Variants in RXRA observed in about 807,000 individuals in gnomAD.
RXRA encodes the protein retinoid X receptor alpha.
A neutral mutation model predicts 44.5 loss-of-function variants in RXRA; 5 were observed. The ratio of observed to expected loss-of-function variants is 0.11; its 90% CI spans 0.06 to 0.24. The LOEUF (loss-of-function observed/expected upper bound fraction) is 0.24. Ranked by LOEUF, RXRA falls within the 10% of genes least tolerant of loss-of-function variation. The probability of loss-of-function intolerance (pLI) is 1.00; values close to 1 mark genes in which losing one functional copy is unlikely to be tolerated. For missense variants in RXRA, 412 were observed against 646.5 expected (o/e 0.64, Z 3.93); for synonymous variants, 291 against 271.4 (o/e 1.07, Z -0.71).
At chr9:134,428,383 A>T (rs1306674792) in intron 6 of RXRA, among the ~76,000 whole-genome samples, 3 of 75,686 alleles carry the variant, frequency 4.0e-5, no homozygotes, top group Non-Finnish European at 7.8e-5. Flanking sequence ...GGGAACCCCC[A>T]CTATGTTGAG....
At chr9:134,412,067 C>T (rs902644489) in intron 4 of RXRA, among the ~76,000 whole-genome samples, 4 of 152,206 alleles carry the variant, frequency 2.6e-5, no homozygotes, top group Non-Finnish European at 5.9e-5. Flanking sequence ...AAGTGCAGAG[C>T]ACTCCCCTCT....
chr9:134,371,218 G>A (rs1418409185), intron 1 of RXRA, among the ~76,000 whole-genome samples: 1 of 152,148 alleles, frequency 6.6e-6, no homozygotes, highest in African/African-American at 2.4e-5. Flanking sequence ...GGGCTGAGTG[G>A]GGTCCTTGCT....
At chr9:134,341,716 C>T (rs1030398292) in intron 1 of RXRA, among the ~76,000 whole-genome samples, 43 of 152,288 alleles carry the variant, frequency 2.8e-4, no homozygotes, top group Non-Finnish European at 4.6e-4. Context: ...GGCCTCTTCC[C>T]GCCCTCCATG....
rs1830409105 is a variant in RXRA, at chr9:134,365,926, G to A, written c.29-35706G>A. Among the ~76,000 whole-genome samples the A allele has an allele frequency of 6.6e-6, 1 of 152,138 alleles. No homozygotes were observed. On this transcript the variant is annotated intron_variant, in intron 1 of 9. Transcript: ENST00000481739. The surrounding 1 kb of genome is among the most constrained non-coding windows in gnomAD (Gnocchi z 4.0). ...TCGGGGAGGTGCACACAGACGCTCA[G>A]CACAGTTGTGGCTGCCTCCAGTCAG...
chr9:134,366,000 G>A lies in RXRA; in HGVS notation c.29-35632G>A, dbSNP rs183461560. The stretch of plus-strand genomic sequence containing the variant: ...AGCCGCCTGTCTTTGCAGGAGCCGC[G>A]GGGATCATCTGGCGGCTGCCTCCAC... On this transcript the variant is annotated intron_variant, in intron 1 of 9. Transcript: ENST00000481739. The surrounding 1 kb of genome is among the most constrained non-coding windows in gnomAD (Gnocchi z 4.0). 1.1e-4 allele frequency among the ~76,000 whole-genome samples: 16 copies of A among 152,236 alleles called. No individual in the cohort carries two copies. Among genetic ancestry groups the A allele is most frequent in the Admixed American group, 5.9e-4 (9 of 15,302 alleles).
chr9:134,429,003 T>C, intron 6 of RXRA, 105 bp from the exon 7 acceptor site: 3 of 1,389,724 alleles, frequency 2.2e-6, no homozygotes, highest in Non-Finnish European at 3.0e-6. Flanking sequence ...CCTGTCAGGA[T>C]GGGTCGGTGA....
chr9:134,438,697 C>T lies in RXRA; in HGVS notation c.*2083C>T, dbSNP rs1005680563. On this transcript the variant is annotated 3_prime_UTR_variant, in exon 10 of 10. Coordinates refer to ENST00000481739, the MANE Select transcript of RXRA (RefSeq NM_002957.6). ...CGGTGGGAGTGCAAAAGACCCAACG[C>T]CAACACCTGGTGCCTTCTGCAGCCA... The T allele has an allele frequency of 6.5e-6, 1 of 153,170 alleles. No individual in the cohort carries two copies. Among genetic ancestry groups the T allele is most frequent in the African/African-American group, 2.4e-5 (1 of 41,480 alleles). The allele number at this position is 153,170 out of a possible 1,614,324, so 9.5% of individuals were successfully genotyped here.
At chr9:134,329,889 G>T (rs903251229) in intron 1 of RXRA, among the ~76,000 whole-genome samples, 1 of 152,194 alleles carries the variant, frequency 6.6e-6, no homozygotes, top group African/African-American at 2.4e-5. Flanking sequence ...GGAACAGGGG[G>T]TACTCAGGGG....
At chr9:134,386,084 G>A (rs1830715704) in intron 1 of RXRA, among the ~76,000 whole-genome samples, 3 of 152,234 alleles carry the variant, frequency 2.0e-5, no homozygotes, top group Admixed American at 1.3e-4. Context: ...GGGGGACCGG[G>A]CGGCTCTGGG....
chr9:134,382,822 T>G (rs1830665902), intron 1 of RXRA, among the ~76,000 whole-genome samples: 1 of 152,188 alleles, frequency 6.6e-6, no homozygotes, highest in African/African-American at 2.4e-5. Flanking sequence ...TGGCTTTGGC[T>G]GGGGAGGCCC....
rs989789260 is a variant in RXRA, at chr9:134,342,938, A to T, written c.28+16279A>T. On this transcript the variant is annotated intron_variant, in intron 1 of 9. Coordinates refer to ENST00000481739, the MANE Select transcript of RXRA (RefSeq NM_002957.6). This position sits in a 1 kb window ranked among gnomAD's most constrained non-coding sequence, Gnocchi z 4.4. The stretch of plus-strand genomic sequence containing the variant: ...ATGCAGGCACGTGTGGGTGCTGGGG[A>T]TTGTCTGGTAATCCTTTGATTAGAG... 6.6e-6 allele frequency among the ~76,000 whole-genome samples: 1 copy of T among 151,920 alleles called. No homozygotes were observed. Among genetic ancestry groups the T allele is most frequent in the Non-Finnish European group, 1.5e-5 (1 of 67,974 alleles).
chr9:134,374,633 C>T (rs539472213), intron 1 of RXRA, among the ~76,000 whole-genome samples: 1 of 152,378 alleles, frequency 6.6e-6, no homozygotes, highest in South Asian at 2.1e-4. Context: ...CTCTGTCTAC[C>T]CAGAGAATGG....
chr9:134,422,589 G>A, intron 6 of RXRA: 1 of 996,078 alleles, frequency 1.0e-6, no homozygotes, highest in South Asian at 2.0e-5. Flanking sequence ...CCTCTCCCGG[G>A]ACACTCCCCG....
At chr9:134,428,985 T>G in intron 6 of RXRA, 123 bp from the exon 7 acceptor site, 1 of 1,214,486 alleles carries the variant, frequency 8.2e-7, no homozygotes, top group Non-Finnish European at 1.2e-6. Flanking sequence ...GGGATTGGGG[T>G]TCCAGAGCCT....
At chr9:134,435,848 C>T (rs1219099682) in intron 9 of RXRA, among the ~76,000 whole-genome samples, 5 of 152,222 alleles carry the variant, frequency 3.3e-5, no homozygotes, top group African/African-American at 7.2e-5. Context: ...CTCACACCCG[C>T]TCCCGGCTGT....
chr9:134,408,745 C>T (rs1187341362), intron 3 of RXRA, among the ~76,000 whole-genome samples, 195 bp from the exon 4 acceptor site: 2 of 152,230 alleles, frequency 1.3e-5, no homozygotes, highest in Non-Finnish European at 2.9e-5. Flanking sequence ...TGTCCCTGCC[C>T]CACTCCTAAG....
chr9:134,341,104 C>T (rs1830080231), intron 1 of RXRA, among the ~76,000 whole-genome samples: 1 of 152,130 alleles, frequency 6.6e-6, no homozygotes, highest in South Asian at 2.1e-4. Context: ...CTGGTGGGGA[C>T]AGGGAGAGGT....
chr9:134,346,609 T>C (rs907059991), intron 1 of RXRA, among the ~76,000 whole-genome samples: 13 of 152,206 alleles, frequency 8.5e-5, no homozygotes, highest in African/African-American at 2.9e-4. Flanking sequence ...CTGCCCTAGG[T>C]CCTGGCACTG....
rs1218698250 is a variant in RXRA, at chr9:134,408,198, C to A, written c.329C>A (p.Pro110His). ...AGCAGCAGCGAGGACATCAAGCCCC[C>A]CCTGGGCCTCAATGGCGTCCTCAAG... ...PVSSSEDIKPPLGLNGVLKVP... is the reference protein window; with the variant it reads ...PVSSSEDIKPHLGLNGVLKVP... The change falls in exon 3 of 10, where the codon CCC becomes CAC. Residue 110 changes from proline to histidine, a missense_variant. Physicochemically the swap from Pro to His is moderately conservative, Grantham distance 77. Around this residue, in one of 4 missense-constraint regions of RXRA, gnomAD observed 156 missense variants for 177.2 expected, o/e 0.88. Coordinates refer to ENST00000481739, the MANE Select transcript of RXRA (RefSeq NM_002957.6). 7 of 1,607,294 alleles carry A rather than the reference C, an allele frequency of 4.4e-6. No homozygotes were observed. Among genetic ancestry groups the A allele is most frequent in the Non-Finnish European group, 5.9e-6 (7 of 1,176,614 alleles).
Sources: allele counts gnomAD v4.1 joint callset (sites outside exome capture counted in the v4.1 genomes callset), GRCh38; gene constraint gnomAD v4.1.1; regional missense constraint gnomAD v4.1.1; non-coding constraint Gnocchi (gnomAD v3.1); transcripts MANE v1.5; gene names NCBI Gene and HGNC (gene_info 2026-07-23, HGNC 2026-07-21).